ATE1: variants seen among roughly 807,000 people sequenced by gnomAD.
ATE1 encodes arginyltransferase 1, also known as arginyl-tRNA--protein transferase 1.
Under a neutral mutation model 70.5 loss-of-function variants are expected in ATE1, and 36 were observed. The observed-to-expected ratio is 0.51, with a 90% confidence interval of 0.39 to 0.67. ATE1 has a LOEUF of 0.67. Ranked by LOEUF, ATE1 falls within the 30% of genes least tolerant of loss-of-function variation. ATE1 has a pLI of 0.00. For missense variants in ATE1, 593 were observed against 629.5 expected (o/e 0.94, Z 0.62); for synonymous variants, 232 against 219.3 (o/e 1.06, Z -0.51).
intron 10 of ATE1, among the ~76,000 whole-genome samples, chr10:121,816,635 C>T (rs967251082): frequency 1.3e-5 from 2 of 152,138 alleles, no homozygotes; most frequent in African/African-American, 4.8e-5. Flanking sequence ...AGACAGCAGC[C>T]CTCACCAGAC....
intron 4 of ATE1, 79 bp downstream of exon 4, chr10:121,913,710 CT>C: frequency 1.1e-6 from 1 of 947,758 alleles, no homozygotes; most frequent in South Asian, 1.5e-5. Flanking sequence ...ATTAATGACC[CT>C]TCCCCTTCCC....
chr10:121,814,644 C>T (rs769041472), intron 10 of ATE1, among the ~76,000 whole-genome samples: 1 of 151,936 alleles, frequency 6.6e-6, no homozygotes, highest in Non-Finnish European at 1.5e-5. Flanking sequence ...AAGATAAAGA[C>T]GTAAGAACAA....
At chr10:121,846,637 TAAC>T (rs1948833163) in intron 8 of ATE1, 1 of 152,190 alleles carries the variant, frequency 6.6e-6, no homozygotes, top group African/African-American at 2.4e-5. Flanking sequence ...GACTAACTGA[TAAC>T]AACCAGTACA....
At chr10:121,856,203 A>G (rs1213318880) in intron 8 of ATE1, among the ~76,000 whole-genome samples, 1 of 152,150 alleles carries the variant, frequency 6.6e-6, no homozygotes, top group African/African-American at 2.4e-5. Context: ...ATTAGTATTA[A>G]GTATAATACA....
At chr10:121,761,385 CATT>C (rs780546324) in intron 11 of ATE1, among the ~76,000 whole-genome samples, 3 of 152,214 alleles carry the variant, frequency 2.0e-5, no homozygotes, top group Non-Finnish European at 4.4e-5. Context: ...TCAGCAAAAA[CATT>C]ATGATTTGCT....
At chr10:121,843,927 T>A (rs997839657) in intron 8 of ATE1, among the ~76,000 whole-genome samples, 1 of 152,230 alleles carries the variant, frequency 6.6e-6, no homozygotes, top group African/African-American at 2.4e-5. Flanking sequence ...AAAAAACTGC[T>A]AAGTTGTACT....
At chr10:121,800,767 G>A (rs1302088408) in intron 10 of ATE1, among the ~76,000 whole-genome samples, 1 of 152,092 alleles carries the variant, frequency 6.6e-6, no homozygotes, top group Admixed American at 6.6e-5. Flanking sequence ...TACTAAAACC[G>A]ACTGCTTAAA....
chr10:121,740,781 C>G lies in ATE1; in HGVS notation c.*2899G>C, dbSNP rs569895149. 2.6e-5 allele frequency: 4 copies of G among 152,072 alleles called. No individual in the cohort carries two copies. Among genetic ancestry groups the G allele is most frequent in the African/African-American group, 9.7e-5 (4 of 41,420 alleles). 9.4% of individuals were successfully genotyped at this position (152,072 alleles called of 1,614,324 possible). ...TTCTGACACGTTAAGAAACTACACA[C>G]AACAAATATTTGCAAAATGAATGAA... On this transcript the variant is annotated 3_prime_UTR_variant, in exon 12 of 12. Transcript: ENST00000224652.
At chr10:121,789,989 TGC>T (rs1457235266) in intron 11 of ATE1, among the ~76,000 whole-genome samples, 178 bp downstream of exon 11, 8 of 150,850 alleles carry the variant, frequency 5.3e-5, no homozygotes, top group African/African-American at 1.7e-4. Context: ...TGTGCCAAAC[TGC>T]GTGAGTTTGT....
intron 7 of ATE1, among the ~76,000 whole-genome samples, chr10:121,890,765 T>C (rs531096399): frequency 2.0e-5 from 3 of 152,308 alleles, no homozygotes; most frequent in Non-Finnish European, 2.9e-5. Flanking sequence ...TCACATAGAA[T>C]TACTGGTATC....
intron 10 of ATE1, among the ~76,000 whole-genome samples, chr10:121,807,570 T>C (rs189228386): frequency 1.2e-4 from 19 of 152,334 alleles, no homozygotes; most frequent in Non-Finnish European, 2.2e-4. Context: ...ATGGCTATAA[T>C]GCACTAGATG....
chr10:121,767,185 C>T (rs1389412513), intron 11 of ATE1, among the ~76,000 whole-genome samples: 1 of 152,118 alleles, frequency 6.6e-6, no homozygotes, highest in African/African-American at 2.4e-5. Flanking sequence ...TCACCTGACA[C>T]AATTCAGCAA....
chr10:121,848,167 G>A (rs1321407524), intron 8 of ATE1, among the ~76,000 whole-genome samples: 2 of 152,132 alleles, frequency 1.3e-5, no homozygotes, highest in African/African-American at 4.8e-5. Context: ...TGGAAAGCCT[G>A]TCAAATGTCA....
At chr10:121,900,269 A>G (rs534617501) in intron 6 of ATE1, among the ~76,000 whole-genome samples, 1 of 152,330 alleles carries the variant, frequency 6.6e-6, no homozygotes, top group Admixed American at 6.5e-5. Flanking sequence ...GTAAACTGGC[A>G]GAGTATTTCC....
chr10:121,858,998 G>A (rs750206051), intron 8 of ATE1, among the ~76,000 whole-genome samples: 9 of 151,798 alleles, frequency 5.9e-5, no homozygotes, highest in Admixed American at 1.3e-4. Context: ...AGGAGGCTGA[G>A]GCTGGAGAAT....
At chr10:121,841,738 T>C (rs1166879900) in intron 8 of ATE1, among the ~76,000 whole-genome samples, 3 of 151,996 alleles carry the variant, frequency 2.0e-5, no homozygotes, top group South Asian at 4.1e-4. Flanking sequence ...AACATAAGAA[T>C]GACACAATGG....
intron 11 of ATE1, among the ~76,000 whole-genome samples, chr10:121,761,543 G>A (rs187720046): frequency 1.3e-5 from 2 of 152,182 alleles, no homozygotes; most frequent in Non-Finnish European, 2.9e-5. Flanking sequence ...ATATGCACTG[G>A]GAAATCAAAT....
chr10:121,764,015 A>C (rs1304246569), intron 11 of ATE1, among the ~76,000 whole-genome samples: 1 of 152,146 alleles, frequency 6.6e-6, no homozygotes, highest in Non-Finnish European at 1.5e-5. Flanking sequence ...GTCTTAAAAA[A>C]ATAAAATAAA....
chr10:121,914,191 T>G (rs1182978331), intron 3 of ATE1, among the ~76,000 whole-genome samples: 1 of 152,006 alleles, frequency 6.6e-6, no homozygotes, highest in African/African-American at 2.4e-5. Flanking sequence ...CTCAGCCTCC[T>G]GAGTAGCTGG....
Sources: gnomAD v4.1 joint callset for allele counts (sites outside exome capture counted in the v4.1 genomes callset) on GRCh38, gnomAD v4.1.1 for gene constraint, MANE v1.5 for transcripts, NCBI Gene and HGNC (gene_info 2026-07-23, HGNC 2026-07-21) for gene names.